CDH1: variants seen among roughly 807,000 people sequenced by gnomAD.
CDH1 encodes cadherin-1.
Under a neutral mutation model 84.5 loss-of-function variants are expected in CDH1, and 35 were observed. The ratio of observed to expected loss-of-function variants is 0.41; its 90% CI spans 0.32 to 0.55. The LOEUF (loss-of-function observed/expected upper bound fraction) is 0.55. Ranked by LOEUF, CDH1 falls within the 20% of genes least tolerant of loss-of-function variation. CDH1 has a pLI of 0.19. For missense variants in CDH1, 994 were observed against 1,126.6 expected (o/e 0.88, Z 1.68); for synonymous variants, 417 against 439.0 (o/e 0.95, Z 0.63).
At chr16:68,829,521 A>T in intron 14 of CDH1, 133 bp from the exon 15 acceptor site, 1 of 927,074 alleles carries the variant, frequency 1.1e-6, no homozygotes, top group Non-Finnish European at 1.7e-6. Context: ...GTCATTTTGC[A>T]TTAAACTGGT....
chr16:68,801,550 G>T, intron 2 of CDH1, 120 bp from the exon 3 acceptor site: 1 of 804,882 alleles, frequency 1.2e-6, no homozygotes, highest in East Asian at 2.4e-5. Context: ...ACCAGATTAT[G>T]GTTTGTTTTG....
At position 68,814,929 on chromosome 16, in the gene CDH1, A is replaced by G. The variant is rs979613972; in HGVS notation, c.1321-586A>G. Among the ~76,000 whole-genome samples, 3 of 151,820 alleles carry G rather than the reference A, an allele frequency of 2.0e-5. No individual in the cohort carries two copies. The South Asian group carries it at 6.2e-4, about 32-fold the overall frequency. ...AATGAGACTCCATCTCTTAAAAAAA[A>G]AAAAAAAAAAAGATGGCCGGGTGCA... is the stretch of plus-strand genomic sequence containing the variant. On this transcript the variant is annotated intron_variant, in intron 9 of 15. Coordinates refer to ENST00000261769, the MANE Select transcript of CDH1 (RefSeq NM_004360.5).
At position 68,758,528 on chromosome 16, in the gene CDH1, C is replaced by T. The variant is rs529446203; in HGVS notation, c.163+20117C>T. 2.0e-4 allele frequency among the ~76,000 whole-genome samples: 30 copies of T among 152,010 alleles called. No individual in the cohort carries two copies. The East Asian group carries it at 5.8e-3, about 29-fold the overall frequency. ...CTTGAGCCTGGGAGTTTCGAGGCTGCAGTGCATGCTGATTGTGCCCGTGAA... is the reference window on the plus strand; with the variant it reads ...CTTGAGCCTGGGAGTTTCGAGGCTGTAGTGCATGCTGATTGTGCCCGTGAA... On this transcript the variant is annotated intron_variant, in intron 2 of 15. Transcript: ENST00000261769.
chr16:68,790,717 A>G lies in CDH1; in HGVS notation c.164-10953A>G, dbSNP rs1016797517. Among the ~76,000 whole-genome samples, 4 of 152,134 alleles carry G rather than the reference A, an allele frequency of 2.6e-5. No homozygotes were observed. In the South Asian group the frequency reaches 8.3e-4, roughly 32 times the overall value. ...GTTGTTTTTCTCCCCTCTTCTTGAA[A>G]ACAAATTGAGATGAGATTCCTTGCC... is the stretch of plus-strand genomic sequence containing the variant. On this transcript the variant is annotated intron_variant, in intron 2 of 15. Coordinates refer to ENST00000261769, the MANE Select transcript of CDH1 (RefSeq NM_004360.5).
Position 68,823,494 on chromosome 16 carries a change from G to C in CDH1, c.2032G>C (p.Val678Leu), listed in dbSNP as rs764788846. Residue 678 changes from valine to leucine, a missense_variant, in exon 13 of 16, where the codon GTG becomes CTG. Coordinates refer to ENST00000261769, the MANE Select transcript of CDH1 (RefSeq NM_004360.5). The stretch of plus-strand genomic sequence containing the variant: ...CATGGATAACCAGAATAAAGACCAA[G>C]TGACCACCTTAGAGGTCAGCGTGTG... ...KLMDNQNKDQ[V>L]TTLEVSVCDC... is the part of the protein sequence containing the mutation. 1 of 1,614,042 alleles carries C rather than the reference G, an allele frequency of 6.2e-7. No homozygotes were observed. The highest frequency in any genetic ancestry group is 1.7e-5 in the Admixed American group (1 of 60,008).
At chr16:68,821,223 A>T (rs1210481330) in intron 11 of CDH1, among the ~76,000 whole-genome samples, 1 of 152,182 alleles carries the variant, frequency 6.6e-6, no homozygotes, top group Non-Finnish European at 1.5e-5. Flanking sequence ...CTATAATCCC[A>T]ACACTTTCAG....
intron 13 of CDH1, among the ~76,000 whole-genome samples, chr16:68,827,252 C>T (rs1404674836): frequency 6.6e-6 from 1 of 151,914 alleles, no homozygotes; most frequent in Non-Finnish European, 1.5e-5. Context: ...GCCTGGGCAA[C>T]AGAGTGAGAC....
intron 2 of CDH1, among the ~76,000 whole-genome samples, chr16:68,743,351 CTTTCTT>C (rs1962630213): frequency 1.8e-4 from 2 of 10,938 alleles, no homozygotes; most frequent in East Asian, 3.8e-3. Context: ...TTCTTTCTTT[CTTTCTT>C]TCTTTCTTTT....
intron 3 of CDH1, among the ~76,000 whole-genome samples, chr16:68,807,284 T>C (rs1414780879): frequency 1.3e-5 from 2 of 152,098 alleles, no homozygotes; most frequent in African/African-American, 4.8e-5. Flanking sequence ...GATGAAGAGA[T>C]TTATATTGAT....
At chr16:68,806,288 A>G (rs1244088458) in intron 3 of CDH1, among the ~76,000 whole-genome samples, 1 of 151,322 alleles carries the variant, frequency 6.6e-6, no homozygotes, top group Non-Finnish European at 1.5e-5. Flanking sequence ...AGTAGTTGGG[A>G]CCCCGTGTGT....
At chr16:68,788,062 A>G (rs549192387) in intron 2 of CDH1, among the ~76,000 whole-genome samples, 5 of 152,036 alleles carry the variant, frequency 3.3e-5, no homozygotes, top group Non-Finnish European at 7.4e-5. Flanking sequence ...CCTGACCTCA[A>G]GTGATTCGCC....
intron 13 of CDH1, among the ~76,000 whole-genome samples, chr16:68,827,873 TC>T (rs1961362276): frequency 6.6e-6 from 1 of 152,138 alleles, no homozygotes; most frequent in Non-Finnish European, 1.5e-5. Flanking sequence ...CCTTACTGTT[TC>T]CTCTGCCTGG....
chr16:68,755,304 A>G (rs1336773370), intron 2 of CDH1, among the ~76,000 whole-genome samples: 2 of 147,032 alleles, frequency 1.4e-5, no homozygotes, highest in South Asian at 4.3e-4. Flanking sequence ...AAAAAAAAAA[A>G]TAGAATTGGA....
chr16:68,737,601 G>T, intron 1 of CDH1, 138 bp downstream of exon 1: 3 of 812,328 alleles, frequency 3.7e-6, no homozygotes, highest in Non-Finnish European at 2.0e-6. Context: ...GGAGCGGCCT[G>T]GAAGCCTCGC....
Position 68,823,467 on chromosome 16 carries a change from C to G in CDH1, c.2005C>G (p.Leu669Val), listed in dbSNP as rs1490366214. ...GGGTGACTACAAAATCAATCTCAAG[C>G]TCATGGATAACCAGAATAAAGACCA... ...EVGDYKINLK[L>V]MDNQNKDQVT... Residue 669 changes from leucine to valine, a missense_variant, in exon 13 of 16, where the codon CTC (leucine) becomes GTC (valine). By Grantham distance (32) the Leu-to-Val change is conservative. This residue lies in a region of CDH1 where 769 missense variants were observed against 881.8 expected (regional missense o/e 0.87). Transcript: ENST00000261769. The G allele has an allele frequency of 7.4e-6, 12 of 1,613,910 alleles. No individual in the cohort carries two copies. The Admixed American group carries it at 2.0e-4, about 27-fold the overall frequency.
intron 14 of CDH1, among the ~76,000 whole-genome samples, chr16:68,829,130 C>G (rs144221165): frequency 6.6e-6 from 1 of 152,298 alleles, no homozygotes; most frequent in African/African-American, 2.4e-5. Flanking sequence ...TCATGAGAAT[C>G]TGTAGGATGG....
chr16:68,821,710 T>C (rs1961148309), intron 11 of CDH1, among the ~76,000 whole-genome samples: 1 of 152,072 alleles, frequency 6.6e-6, no homozygotes, highest in South Asian at 2.1e-4. Context: ...TAAAATTCAG[T>C]GAATGAATAA....
At chr16:68,813,744 C>A (rs377023357) in intron 9 of CDH1, among the ~76,000 whole-genome samples, 1 of 152,008 alleles carries the variant, frequency 6.6e-6, no homozygotes, top group African/African-American at 2.4e-5. Flanking sequence ...AGGCAGATCA[C>A]GAGGTCAGGA....
intron 2 of CDH1, among the ~76,000 whole-genome samples, chr16:68,791,446 A>G (rs1331766580): frequency 6.6e-6 from 1 of 152,112 alleles, no homozygotes; most frequent in Non-Finnish European, 1.5e-5. Context: ...TTTTGGAGAT[A>G]GCATCTCAAT....
Sources: allele counts gnomAD v4.1 joint callset (sites outside exome capture counted in the v4.1 genomes callset), GRCh38; gene constraint gnomAD v4.1.1; regional missense constraint gnomAD v4.1.1; transcripts MANE v1.5; gene names NCBI Gene and HGNC (gene_info 2026-07-23, HGNC 2026-07-21).